Variants in SCRN1 observed in about 807,000 individuals in gnomAD.
SCRN1 encodes the protein secernin 1, also known as secernin-1.
A neutral mutation model predicts 43.3 loss-of-function variants in SCRN1; 19 were observed. The observed-to-expected ratio is 0.44, with a 90% confidence interval of 0.31 to 0.64. The LOEUF (loss-of-function observed/expected upper bound fraction) is 0.64, where lower values mean the gene tolerates loss of function less well. SCRN1 is among the 30% of genes least tolerant of loss of function. The probability of loss-of-function intolerance (pLI) is 0.09; values close to 1 mark genes in which losing one functional copy is unlikely to be tolerated. For missense variants in SCRN1, 447 were observed against 524.1 expected (o/e 0.85, Z 1.44); for synonymous variants, 183 against 188.9 (o/e 0.97, Z 0.26).
At chr7:29,925,588 CA>C (rs927121034) in intron 7 of SCRN1, among the ~76,000 whole-genome samples, 8 of 152,198 alleles carry the variant, frequency 5.3e-5, no homozygotes, top group Non-Finnish European at 1.0e-4. Flanking sequence ...GCTGTGGACA[CA>C]CTGGGTGCTG....
Position 29,989,655 on chromosome 7 carries a change from C to T in SCRN1, c.-15G>A, listed in dbSNP as rs929528780. On this transcript the variant is annotated 5_prime_UTR_variant, in exon 1 of 8. Coordinates refer to ENST00000242059, the MANE Select transcript of SCRN1 (RefSeq NM_014766.5). ...GACGCGGCTCACCTGGGGCGGCGGG[C>T]TCCGGGCTCCGCTCTCCGCTCTGCG... 4 of 985,652 alleles carry T rather than the reference C, an allele frequency of 4.1e-6. No homozygotes were observed. The highest frequency in any genetic ancestry group is 5.2e-4 in the Middle Eastern group (1 of 1,914). The allele number at this position is 985,652 out of a possible 1,614,324, so 61.1% of individuals were successfully genotyped here.
intron 6 of SCRN1, among the ~76,000 whole-genome samples, chr7:29,929,575 C>T (rs1043556989): frequency 6.6e-6 from 1 of 152,234 alleles, no homozygotes; most frequent in Non-Finnish European, 1.5e-5. Flanking sequence ...AAGGGGACAG[C>T]CTGGCAGCAC....
intron 2 of SCRN1, among the ~76,000 whole-genome samples, chr7:29,963,611 T>C (rs191496773): frequency 2.0e-4 from 31 of 151,726 alleles, no homozygotes; most frequent in Admixed American, 1.5e-3. Context: ...TTATAAAAGC[T>C]TTACCCTATG....
intron 3 of SCRN1, among the ~76,000 whole-genome samples, chr7:29,951,317 C>T (rs1787912412): frequency 1.3e-5 from 2 of 152,236 alleles, no homozygotes; most frequent in Non-Finnish European, 2.9e-5. Flanking sequence ...TGCTTGCTCA[C>T]ACACCCCTTT....
intron 1 of SCRN1, among the ~76,000 whole-genome samples, chr7:29,980,489 T>C (rs1246672602): frequency 6.6e-6 from 1 of 152,222 alleles, no homozygotes; most frequent in South Asian, 2.1e-4. Flanking sequence ...TTCCCATTAA[T>C]GTGATTTGAT....
chr7:29,975,155 G>A (rs1386391727), intron 1 of SCRN1, among the ~76,000 whole-genome samples: 2 of 151,980 alleles, frequency 1.3e-5, no homozygotes, highest in African/African-American at 2.4e-5. Context: ...TCACATACAC[G>A]AATATAAAAA....
At position 29,936,669 on chromosome 7, in the gene SCRN1, T is replaced by C. The variant is rs753081058; in HGVS notation, c.792A>G (p.Gly264=). 4.4e-6 allele frequency: 7 copies of C among 1,596,262 alleles called. No individual in the cohort carries two copies. The highest frequency in any genetic ancestry group is 6.0e-6 in the Non-Finnish European group (7 of 1,166,486). The change falls in exon 6 of 8, where the codon GGA becomes GGG. Residue 264 remains glycine (G), a synonymous_variant. Transcript: ENST00000242059. Reference sequence around the variant, plus strand: ...GGAAAAACTCAGAGTCTATGCACACTCCGCTGGCTTTGTCCCGTAAGGTGT... The same window carrying C: ...GGAAAAACTCAGAGTCTATGCACACCCCGCTGGCTTTGTCCCGTAAGGTGT... ...MMNTLRDKAS[G]VCIDSEFFLT...
chr7:29,962,439 C>G (rs1444611998), intron 2 of SCRN1, among the ~76,000 whole-genome samples: 1 of 151,956 alleles, frequency 6.6e-6, no homozygotes, highest in Non-Finnish European at 1.5e-5. Context: ...GTAATCCCAA[C>G]ACTTTGGGAA....
intron 1 of SCRN1, among the ~76,000 whole-genome samples, chr7:29,982,438 G>C (rs1156425176): frequency 6.7e-6 from 1 of 149,002 alleles, no homozygotes; most frequent in African/African-American, 2.5e-5. Context: ...ACAGTAGTTT[G>C]GGAGGCTGAG....
intron 2 of SCRN1, among the ~76,000 whole-genome samples, chr7:29,957,044 G>A (rs1312982871): frequency 6.6e-6 from 1 of 152,130 alleles, no homozygotes; most frequent in African/African-American, 2.4e-5. Context: ...TGAAAACAAT[G>A]AGTAAATAGG....
At chr7:29,953,616 A>G (rs1788030447) in intron 3 of SCRN1, among the ~76,000 whole-genome samples, 1 of 152,192 alleles carries the variant, frequency 6.6e-6, no homozygotes, top group African/African-American at 2.4e-5. Flanking sequence ...TGGTTTTTAA[A>G]AACTGGCTTT....
At chr7:29,975,559 T>C (rs1318163058) in intron 1 of SCRN1, among the ~76,000 whole-genome samples, 3 of 152,244 alleles carry the variant, frequency 2.0e-5, no homozygotes, top group African/African-American at 7.2e-5. Flanking sequence ...ATGCATCTCA[T>C]ACAGTAAGGG....
At chr7:29,954,934 G>A (rs1788081559) in intron 3 of SCRN1, among the ~76,000 whole-genome samples, 1 of 152,134 alleles carries the variant, frequency 6.6e-6, no homozygotes, top group Non-Finnish European at 1.5e-5. Flanking sequence ...ACCTGCCTCG[G>A]CCTCCCAAAG....
chr7:29,941,590 G>A (rs775894010), intron 4 of SCRN1, among the ~76,000 whole-genome samples: 41 of 152,242 alleles, frequency 2.7e-4, no homozygotes, highest in Middle Eastern at 3.4e-3. Flanking sequence ...GCATGCGTGT[G>A]TGTATGTGTT....
At position 29,969,051 on chromosome 7, in the gene SCRN1, G is replaced by A; in HGVS notation, c.17C>T (p.Pro6Leu). ...AGGGAAGGCAACAAAACAGTAACTT[G>A]GAGGAGCTGCAGCCATCCTGAAAAG... MAAAP[P>L]SYCFVAFPPR... Residue 6 changes from proline to leucine, a missense_variant, in exon 2 of 8, where the codon CCA becomes CTA. Physicochemically the swap from Pro to Leu is moderately conservative, Grantham distance 98 (BLOSUM62 -3). Transcript: ENST00000242059. The A allele has an allele frequency of 1.2e-6, 2 of 1,613,458 alleles. No homozygotes were observed. Among genetic ancestry groups the A allele is most frequent in the Non-Finnish European group, 8.5e-7 (1 of 1,179,730 alleles).
At position 29,926,475 on chromosome 7, in the gene SCRN1, G is replaced by T. The variant is rs531406641; in HGVS notation, c.1063C>A (p.Arg355Ser). The T allele has an allele frequency of 6.2e-7, 1 of 1,613,370 alleles. No individual in the cohort carries two copies. Among genetic ancestry groups the T allele is most frequent in the African/African-American group, 1.3e-5 (1 of 74,890 alleles). Residue 355 changes from arginine to serine, a missense_variant, in exon 7 of 8, where the codon CGT (arginine) becomes AGT (serine). Physicochemically the swap from Arg to Ser is moderately radical, Grantham distance 110. Coordinates refer to ENST00000242059, the MANE Select transcript of SCRN1 (RefSeq NM_014766.5). ...ACCTGGTCACTTTCGATGATGGCAC[G>T]TGCCCACTCGTGGGCTTTGTACAGC... ...HELYKAHEWA[R>S]AIIESDQEQG... is the part of the protein sequence containing the mutation.
intron 1 of SCRN1, among the ~76,000 whole-genome samples, chr7:29,984,324 A>T (rs1789084811): frequency 1.3e-5 from 2 of 152,092 alleles, no homozygotes; most frequent in Non-Finnish European, 2.9e-5. Flanking sequence ...AATACAAATC[A>T]TATGGATAAA....
chr7:29,930,877 T>C (rs1787134444), intron 6 of SCRN1, among the ~76,000 whole-genome samples: 1 of 152,224 alleles, frequency 6.6e-6, no homozygotes, highest in African/African-American at 2.4e-5. Flanking sequence ...GCCGAGCTAC[T>C]TTAAAGGGAC....
intron 1 of SCRN1, among the ~76,000 whole-genome samples, chr7:29,972,429 T>C (rs1311851137): frequency 6.6e-6 from 1 of 152,204 alleles, no homozygotes; most frequent in Admixed American, 6.5e-5. Flanking sequence ...CCATGGGGTT[T>C]TGGGCAAGCA....
Sources: gnomAD v4.1 joint callset for allele counts (sites outside exome capture counted in the v4.1 genomes callset) on GRCh38, gnomAD v4.1.1 for gene constraint, MANE v1.5 for transcripts, NCBI Gene and HGNC (gene_info 2026-07-23, HGNC 2026-07-21) for gene names.